The following PCDHA9 variants were observed in gnomAD, a reference collection of about 807,000 sequenced individuals.
PCDHA9 encodes the protein protocadherin alpha 9.
PCDHA9 carries 62 observed loss-of-function variants against 62.0 expected under a neutral mutation model. The observed-to-expected ratio is 1.00, with a 90% CI of 0.81 to 1.23. The LOEUF (loss-of-function observed/expected upper bound fraction) is 1.23, where lower values mean the gene tolerates loss of function less well. Among genes scored for constraint, PCDHA9 ranks in the 50% most tolerant of loss-of-function variants. PCDHA9 has a pLI of 0.00. For synonymous variants in PCDHA9, 557 were observed against 567.6 expected, an observed-to-expected ratio of 0.98 and a Z score of 0.27; for missense variants, 1,205 against 1,249.8, an observed-to-expected ratio of 0.96 and a Z score of 0.54.
intron 1 of PCDHA9, chr5:140,966,679 G>C (rs1554228549): frequency 8.3e-6 from 11 of 1,317,564 alleles, no homozygotes; most frequent in East Asian, 3.0e-5. Context: ...AGGGTGGCAC[G>C]AGCGGAGGCG....
chr5:141,010,612 A>C lies in PCDHA9; in HGVS notation c.*675A>C. Reference sequence around the variant, plus strand: ...GTTGGCTGTGACGTCATTATACCTAAAATCTGCATCATACCTGCAAGCCAA... The same window carrying C: ...GTTGGCTGTGACGTCATTATACCTACAATCTGCATCATACCTGCAAGCCAA... On this transcript the variant is annotated 3_prime_UTR_variant, in exon 4 of 4. Transcript: ENST00000532602. 1 of 196,976 alleles carries C rather than the reference A, an allele frequency of 5.1e-6. No individual in the cohort carries two copies. The highest frequency in any genetic ancestry group is 1.0e-5 in the Non-Finnish European group (1 of 95,484). 12.2% of individuals were successfully genotyped at this position (196,976 alleles called of 1,614,324 possible). A position where few individuals can be genotyped will look rare whatever the true frequency, so the allele number is the denominator to read the frequency against.
intron 1 of PCDHA9, among the ~76,000 whole-genome samples, chr5:140,873,389 T>C (rs2054266406): frequency 6.6e-6 from 1 of 152,220 alleles, no homozygotes; most frequent in Admixed American, 6.5e-5. Flanking sequence ...GACTTGGGAA[T>C]GTTTTCAGTA....
chr5:140,940,425 G>T (rs2153645742), intron 1 of PCDHA9, among the ~76,000 whole-genome samples: 1 of 152,034 alleles, frequency 6.6e-6, no homozygotes, highest in African/African-American at 2.4e-5. Flanking sequence ...AATTATTACT[G>T]ATCAAGTCTG....
In PCDHA9 at chr5:140,946,611, A is replaced by AATATATATATATAT. The variant is rs1554217734; in HGVS notation, c.2395-32330_2395-32317dup. Among the ~76,000 whole-genome samples the AATATATATATATAT allele has an allele frequency of 6.8e-3, 593 of 86,748 alleles. 22 individuals are homozygous for AATATATATATATAT. Among genetic ancestry groups the AATATATATATATAT allele is most frequent in the African/African-American group, 0.021 (323 of 15,664 alleles). The allele number at this position is 86,748 out of a possible 152,430, so 56.9% of individuals were successfully genotyped here. A position where few individuals can be genotyped will look rare whatever the true frequency, so the allele number is the denominator to read the frequency against. On this transcript the variant is annotated intron_variant, in intron 1 of 3. Coordinates refer to ENST00000532602, the MANE Select transcript of PCDHA9 (RefSeq NM_031857.2). ...GGATGAATAGATAAAGAAAATGTGA[A>AATATATATATATAT]ATATATATATATATATATATACAAT... is the stretch of plus-strand genomic sequence containing the variant.
At chr5:140,978,648 T>C (rs2096814311) in intron 1 of PCDHA9, among the ~76,000 whole-genome samples, 1 of 152,264 alleles carries the variant, frequency 6.6e-6, no homozygotes, top group African/African-American at 2.4e-5. Flanking sequence ...CAGACTGTTC[T>C]TCCCGTAGTG....
intron 3 of PCDHA9, 63 bp downstream of exon 3, chr5:140,982,626 T>C (rs782343298): frequency 2.5e-5 from 39 of 1,581,800 alleles, no homozygotes; most frequent in Non-Finnish European, 2.8e-5. Context: ...TGACCTACTT[T>C]TGTAAGATCA....
intron 1 of PCDHA9, chr5:140,870,291 G>A (rs372143455): frequency 3.2e-5 from 52 of 1,614,052 alleles, no homozygotes; most frequent in Non-Finnish European, 3.6e-5. Context: ...CCTTCAAGCT[G>A]GTGTCCACCT....
Position 140,849,896 on chromosome 5 carries a change from C to G in PCDHA9, c.1401C>G (p.Asn467Lys). The G allele has an allele frequency of 6.3e-7, 1 of 1,598,590 alleles. No homozygotes were observed. Among genetic ancestry groups the G allele is most frequent in the Non-Finnish European group, 8.6e-7 (1 of 1,167,992 alleles). ...AGTACACGGTGTTCGTGAAGGAGAACAACCCGCCGGGCTGCCACATCTTCA... is the reference window on the plus strand; with the variant it reads ...AGTACACGGTGTTCGTGAAGGAGAAGAACCCGCCGGGCTGCCACATCTTCA... Reference protein sequence around the residue: ...QSEYTVFVKENNPPGCHIFTV... With the variant: ...QSEYTVFVKEKNPPGCHIFTV... Residue 467 changes from asparagine (N) to lysine (K), a missense_variant, in exon 1 of 4, where the codon AAC becomes AAG. By Grantham distance (94) the Asn-to-Lys change is moderately conservative. Around this residue, in one of 3 missense-constraint regions of PCDHA9, gnomAD observed 887 missense variants for 809.5 expected, o/e 1.10. Coordinates refer to ENST00000532602, the MANE Select transcript of PCDHA9 (RefSeq NM_031857.2).
chr5:140,913,756 A>G (rs1184722554), intron 1 of PCDHA9, among the ~76,000 whole-genome samples: 1 of 152,072 alleles, frequency 6.6e-6, no homozygotes, highest in African/African-American at 2.4e-5. Context: ...GTTGTATCTC[A>G]TAGGTTTTGG....
chr5:140,863,012 G>A, intron 1 of PCDHA9: 1 of 552,296 alleles, frequency 1.8e-6, no homozygotes, highest in South Asian at 1.4e-5. Context: ...CAGCTATGAC[G>A]CCTGGTTGTC....
At position 140,849,348 on chromosome 5, in the gene PCDHA9, G is replaced by A. The variant is rs1426659578; in HGVS notation, c.853G>A (p.Val285Ile). ...GDIIYSFSSD[V>I]SPDIKSKFHM... ...TATTATTTACTCCTTCTCCAGTGAT[G>A]TTTCTCCAGATATAAAATCCAAGTT... The change falls in exon 1 of 4, where the codon GTT (valine) becomes ATT (isoleucine). Residue 285 changes from valine to isoleucine, a missense_variant. Around this residue, in one of 3 missense-constraint regions of PCDHA9, gnomAD observed 110 missense variants for 227.2 expected, o/e 0.48. Transcript: ENST00000532602. The A allele has an allele frequency of 1.4e-6, 2 of 1,434,152 alleles. No homozygotes were observed. Among genetic ancestry groups the A allele is most frequent in the Non-Finnish European group, 9.5e-7 (1 of 1,048,118 alleles). 88.8% of individuals were successfully genotyped at this position (1,434,152 alleles called of 1,614,324 possible).
At position 140,858,391 on chromosome 5, in the gene PCDHA9, T is replaced by G. The variant is rs1214576702; in HGVS notation, c.2394+7502T>G. ...GCCTTCCACCATGCCCAATGGTAGA[T>G]GTGGACGGGGAAGATCAGTCTATTG... On this transcript the variant is annotated intron_variant, in intron 1 of 3. Transcript: ENST00000532602. 2.5e-6 allele frequency: 4 copies of G among 1,577,710 alleles called. 1 individual carries two copies. The highest frequency in any genetic ancestry group is 3.5e-6 in the Non-Finnish European group (4 of 1,154,364).
intron 1 of PCDHA9, among the ~76,000 whole-genome samples, chr5:140,948,999 ATT>A (rs782571922): frequency 1.3e-5 from 2 of 151,708 alleles, no homozygotes; most frequent in Non-Finnish European, 3.0e-5. Flanking sequence ...CATTTTACTA[ATT>A]TTTATATGTG....
At chr5:140,892,827 A>G (rs1304427197) in intron 1 of PCDHA9, among the ~76,000 whole-genome samples, 3 of 152,188 alleles carry the variant, frequency 2.0e-5, no homozygotes, top group African/African-American at 7.2e-5. Context: ...ACAGTGCTAC[A>G]GTGCTGCAAA....
At chr5:141,001,833 G>GAGACAGAGAGAGAGGTTGATT (rs1554258319) in intron 3 of PCDHA9, among the ~76,000 whole-genome samples, 1 of 151,780 alleles carries the variant, frequency 6.6e-6, no homozygotes, top group East Asian at 1.9e-4. Context: ...GACAGAGAGG[G>GAGACAGAGAGAGAGGTTGATT]AGACAGAGAG....
chr5:140,967,293 A>T, intron 1 of PCDHA9: 1 of 1,612,824 alleles, frequency 6.2e-7, no homozygotes. Flanking sequence ...CAGGACCCCG[A>T]CGTGGGCGCC....
chr5:140,854,582 T>TA (rs757658134), intron 1 of PCDHA9: 9 of 149,824 alleles, frequency 6.0e-5, no homozygotes, highest in Non-Finnish European at 1.0e-4. Context: ...CAGATTTTAA[T>TA]AAAAAAAGTT....
intron 1 of PCDHA9, chr5:140,927,565 G>A: frequency 6.2e-7 from 1 of 1,614,186 alleles, no homozygotes; most frequent in Non-Finnish European, 8.5e-7. Context: ...CATTGTGGTG[G>A]ACACAAATGA....
At chr5:140,929,298 A>T in intron 1 of PCDHA9, 1 of 1,591,722 alleles carries the variant, frequency 6.3e-7, no homozygotes, top group South Asian at 1.1e-5. Context: ...GGAATAGGAA[A>T]GGGGATCACG....
Sources: allele counts gnomAD v4.1 joint callset (sites outside exome capture counted in the v4.1 genomes callset), GRCh38; gene constraint gnomAD v4.1.1; regional missense constraint gnomAD v4.1.1; transcripts MANE v1.5; gene names NCBI Gene and HGNC (gene_info 2026-07-23, HGNC 2026-07-21).